The following ARSG variants were observed in gnomAD, a reference collection of about 807,000 sequenced individuals.
ARSG encodes the protein ASG.
ARSG carries 37 observed loss-of-function variants against 50.5 expected under a neutral mutation model. That is an observed-to-expected ratio of 0.73 (90% confidence interval 0.56 to 0.96). The LOEUF (loss-of-function observed/expected upper bound fraction) is 0.96. Among genes scored for constraint, ARSG ranks in the 50% least tolerant of loss-of-function variants. The pLI is 0.00. For missense variants in ARSG, 629 were observed against 675.3 expected (o/e 0.93, Z 0.76); for synonymous variants, 225 against 254.6 (o/e 0.88, Z 1.11).
At position 68,281,720 on chromosome 17, in the gene ARSG, T is replaced by A. The variant is rs573834570; in HGVS notation, c.-552+22294T>A. Among the ~76,000 whole-genome samples the A allele has an allele frequency of 1.0e-3, 158 of 152,306 alleles. 1 individual carries two copies. The highest frequency in any genetic ancestry group is 3.7e-3 in the African/African-American group (153 of 41,564). On this transcript the variant is annotated intron_variant, in intron 1 of 11. Coordinates refer to the ARSG transcript ENST00000448504. ...AAATCAAAACCACAGTGAGGTATCATCTTACCTCATTTGGGATGGCTATGA... is the reference window on the plus strand; with the variant it reads ...AAATCAAAACCACAGTGAGGTATCAACTTACCTCATTTGGGATGGCTATGA...
chr17:68,389,131 C>T (rs1187360372), intron 9 of ARSG, among the ~76,000 whole-genome samples: 1 of 152,164 alleles, frequency 6.6e-6, no homozygotes, highest in Non-Finnish European at 1.5e-5. Flanking sequence ...GTTTAGCTGT[C>T]ACCTACAGGC....
chr17:68,421,918 G>A (rs2082806604), downstream of ARSG: 27 of 1,498,964 alleles, frequency 1.8e-5, no homozygotes, highest in Non-Finnish European at 2.5e-5. Context: ...AGTGAGCAGG[G>A]AGAGGCTGGG....
chr17:68,408,214 G>A (rs2081827272), intron 11 of ARSG, among the ~76,000 whole-genome samples: 1 of 151,472 alleles, frequency 6.6e-6, no homozygotes, highest in Non-Finnish European at 1.5e-5. Flanking sequence ...ATGCTGGTGT[G>A]CTGCACCCAT....
At chr17:68,287,983 CTCCT>C (rs1440684365), upstream of ARSG, among the ~76,000 whole-genome samples, 5 of 150,374 alleles carry the variant, frequency 3.3e-5, no homozygotes, top group African/African-American at 1.2e-4. Flanking sequence ...CCCTCCCTCC[CTCCT>C]TTCTTTTTTT....
At chr17:68,443,131 G>A in the ARSG span, among the ~76,000 whole-genome samples, 1 of 151,918 alleles carries the variant, frequency 6.6e-6, no homozygotes, top group East Asian at 1.9e-4. Context: ...TGTTTTTTGA[G>A]ACAGAGTCTC....
intron 8 of ARSG, among the ~76,000 whole-genome samples, chr17:68,376,058 T>C (rs1314596539): frequency 6.6e-6 from 1 of 152,128 alleles, no homozygotes; most frequent in Non-Finnish European, 1.5e-5. Context: ...ATCTGTCTAG[T>C]TCCAAAACAC....
In ARSG at chr17:68,378,780, C is replaced by T. The variant is rs530210948; in HGVS notation, c.983-6284C>T. On this transcript the variant is annotated intron_variant, in intron 8 of 11. Transcript: ENST00000621439. This position sits in a 1 kb window ranked among gnomAD's most constrained non-coding sequence, Gnocchi z 4.4. ...AAGAGCAGAACTGTTCCTTCCTCCC[C>T]CTTGGTGATGAGGAAACATTCTGTT... 1.3e-5 allele frequency among the ~76,000 whole-genome samples: 2 copies of T among 152,196 alleles called. No homozygotes were observed. The highest frequency in any genetic ancestry group is 2.4e-5 in the African/African-American group (1 of 41,458).
intron 1 of ARSG, among the ~76,000 whole-genome samples, chr17:68,276,226 T>G (rs1289125734): frequency 1.3e-5 from 2 of 151,772 alleles, no homozygotes; most frequent in African/African-American, 4.8e-5. Flanking sequence ...TCCGAGTAGC[T>G]GGGATTACAG....
chr17:68,282,895 C>G (rs1555753292), intron 1 of ARSG: 1 of 148,260 alleles, frequency 6.7e-6, no homozygotes, highest in African/African-American at 2.5e-5. Context: ...TTGCAGTGAG[C>G]TGAGATTGTG....
At chr17:68,353,732 C>T (rs1427578995) in intron 5 of ARSG, among the ~76,000 whole-genome samples, 6 of 152,222 alleles carry the variant, frequency 3.9e-5, no homozygotes, top group African/African-American at 7.2e-5. Context: ...GATGGAGTCT[C>T]GTTCTGTTGC....
chr17:68,262,175 A>C (rs1392791232), intron 1 of ARSG, among the ~76,000 whole-genome samples: 53 of 150,234 alleles, frequency 3.5e-4, no homozygotes, highest in Middle Eastern at 3.4e-3. Context: ...ACAAACAAAA[A>C]AAAAAAAAAG....
chr17:68,392,300 A>G (rs1425219674), intron 9 of ARSG, among the ~76,000 whole-genome samples: 2 of 152,162 alleles, frequency 1.3e-5, no homozygotes, highest in Admixed American at 6.5e-5. Context: ...TTCCCCCAAC[A>G]TGAGCACAAC....
Position 68,420,431 on chromosome 17 carries a change from T to C in ARSG, c.1546T>C (p.Tyr516His), listed in dbSNP as rs1347117329. Residue 516 changes from tyrosine to histidine, a missense_variant, in exon 12 of 12, where the codon TAC becomes CAC. Tyr to His is a moderately conservative substitution (Grantham distance 83). Coordinates refer to ENST00000621439, the MANE Select transcript of ARSG (RefSeq NM_001267727.2). Reference sequence around the variant, plus strand: ...TTCAGTAACTCCCTGCTGTAATCCCTACCAAATTGCCTGCCGCTGTCAAGC... The same window carrying C: ...TTCAGTAACTCCCTGCTGTAATCCCCACCAAATTGCCTGCCGCTGTCAAGC... ...DPSVTPCCNP[Y>H]QIACRCQAA is the part of the protein sequence containing the mutation. 6.2e-7 allele frequency: 1 copy of C among 1,614,114 alleles called. No individual in the cohort carries two copies. The highest frequency in any genetic ancestry group is 8.5e-7 in the Non-Finnish European group (1 of 1,179,944).
chr17:68,352,952 C>A (rs145944064), intron 5 of ARSG, among the ~76,000 whole-genome samples: 1 of 152,080 alleles, frequency 6.6e-6, no homozygotes, highest in South Asian at 2.1e-4. Flanking sequence ...TTCCCTTGTT[C>A]GGACAGAGCA....
At chr17:68,327,635 A>G (rs1348912930) in intron 2 of ARSG, among the ~76,000 whole-genome samples, 2 of 152,130 alleles carry the variant, frequency 1.3e-5, no homozygotes, top group Non-Finnish European at 2.9e-5. Flanking sequence ...GTATAATCTC[A>G]TCTTAACTTA....
In ARSG at chr17:68,420,396, C is replaced by G; in HGVS notation, c.1511C>G (p.Thr504Ser). The G allele has an allele frequency of 6.2e-7, 1 of 1,614,204 alleles. No individual in the cohort carries two copies. ...ANDNISSADYTQDPSVTPCCN... is the reference protein window; with the variant it reads ...ANDNISSADYSQDPSVTPCCN... Reference sequence around the variant, plus strand: ...GACAACATCTCCAGCGCAGATTACACTCAGGACCCTTCAGTAACTCCCTGC... The same window carrying G: ...GACAACATCTCCAGCGCAGATTACAGTCAGGACCCTTCAGTAACTCCCTGC... The change falls in exon 12 of 12, where the codon ACT becomes AGT. Residue 504 changes from threonine (T) to serine (S), a missense_variant. By Grantham distance (58) the Thr-to-Ser change is moderately conservative. Coordinates refer to ENST00000621439, the MANE Select transcript of ARSG (RefSeq NM_001267727.2).
intron 5 of ARSG, among the ~76,000 whole-genome samples, chr17:68,352,830 T>C (rs1292536401): frequency 6.6e-6 from 1 of 152,110 alleles, no homozygotes; most frequent in Non-Finnish European, 1.5e-5. Context: ...CTCCACTTTC[T>C]CTTTATTTTC....
chr17:68,325,595 G>A (rs1406275403), intron 2 of ARSG, among the ~76,000 whole-genome samples: 1 of 152,142 alleles, frequency 6.6e-6, no homozygotes, highest in Non-Finnish European at 1.5e-5. Flanking sequence ...CTCTCTGGTT[G>A]TAAGTGACGG....
the ARSG span, chr17:68,444,619 G>A: frequency 3.9e-5 from 61 of 1,582,316 alleles, no homozygotes; most frequent in Admixed American, 3.5e-4. Flanking sequence ...TCAGTCTACC[G>A]AACCGTTCCT....
Sources: gnomAD v4.1 joint callset for allele counts (sites outside exome capture counted in the v4.1 genomes callset) on GRCh38, gnomAD v4.1.1 for gene constraint, Gnocchi (gnomAD v3.1) non-coding constraint, MANE v1.5 for transcripts, NCBI Gene and HGNC (gene_info 2026-07-23, HGNC 2026-07-21) for gene names.